Variants in CNBD1 observed in about 807,000 individuals in gnomAD.
CNBD1 encodes the protein cyclic nucleotide binding domain containing 1.
Under a neutral mutation model 54.4 loss-of-function variants are expected in CNBD1, and 71 were observed. The ratio of observed to expected loss-of-function variants is 1.30; its 90% CI spans 1.08 to 1.59. CNBD1 has a LOEUF of 1.59. Ranked by LOEUF, CNBD1 falls within the 40% of genes most tolerant of loss-of-function variation. The pLI, the probability that CNBD1 is intolerant of heterozygous loss-of-function variation, is 0.00. For missense variants in CNBD1, 659 were observed against 518.0 expected (o/e 1.27, Z -2.64); for synonymous variants, 182 against 170.7 (o/e 1.07, Z -0.51).
chr8:87,201,464 T>G (rs534858003), intron 4 of CNBD1, among the ~76,000 whole-genome samples: 3 of 152,276 alleles, frequency 2.0e-5, no homozygotes, highest in African/African-American at 7.2e-5. Context: ...TGATATGATT[T>G]TGCATATAGA....
At chr8:87,038,311 G>A (rs1253544695) in intron 4 of CNBD1, among the ~76,000 whole-genome samples, 1 of 152,140 alleles carries the variant, frequency 6.6e-6, no homozygotes, top group East Asian at 1.9e-4. Flanking sequence ...CCAAGTCACT[G>A]AGTTTAATTG....
chr8:87,179,522 A>G (rs1813267134), intron 4 of CNBD1, among the ~76,000 whole-genome samples: 1 of 152,226 alleles, frequency 6.6e-6, no homozygotes, highest in Admixed American at 6.5e-5. Flanking sequence ...CAGAGTATCA[A>G]CTGAAATTAA....
At position 87,422,885 on chromosome 8, in the gene CNBD1, A is replaced by G. The variant is rs556259304; in HGVS notation, c.214-5661A>G. ...TGGGCAGTATGGCCATTTTCACGAT[A>G]CTGATTCTTCCTACCCATGAGCATG... On this transcript the variant is annotated intron_variant, in intron 2 of 7. Coordinates refer to the CNBD1 transcript ENST00000521593. 2.7e-3 allele frequency among the ~76,000 whole-genome samples: 415 copies of G among 152,234 alleles called. 2 individuals carry two copies. The highest frequency in any genetic ancestry group is 6.8e-3 in the African/African-American group (284 of 41,496).
chr8:87,301,915 A>C (rs1489365099), intron 8 of CNBD1, among the ~76,000 whole-genome samples: 3 of 152,212 alleles, frequency 2.0e-5, no homozygotes, highest in Non-Finnish European at 4.4e-5. Context: ...CTCGACACAT[A>C]TACCCGCCCA....
chr8:87,030,844 C>T (rs1809766967), intron 4 of CNBD1, among the ~76,000 whole-genome samples: 1 of 108,570 alleles, frequency 9.2e-6, no homozygotes, highest in African/African-American at 3.9e-5. Context: ...CTCCCCCCTC[C>T]CCTCTCCTCC....
chr8:86,982,052 C>T (rs988821598), intron 4 of CNBD1, among the ~76,000 whole-genome samples: 4 of 152,176 alleles, frequency 2.6e-5, no homozygotes, highest in Non-Finnish European at 5.9e-5. Flanking sequence ...TCCAGTTGCT[C>T]CACATCCTGA....
intron 1 of CNBD1, among the ~76,000 whole-genome samples, chr8:86,874,406 A>G (rs1456822086): frequency 1.3e-5 from 2 of 152,144 alleles, no homozygotes; most frequent in Non-Finnish European, 2.9e-5. Flanking sequence ...TTCTCCTTCC[A>G]TCTTATCAGG....
chr8:86,875,018 A>ATATATATATATATATATATG, intron 1 of CNBD1, among the ~76,000 whole-genome samples: 1 of 139,132 alleles, frequency 7.2e-6, no homozygotes, highest in African/African-American at 2.7e-5. Flanking sequence ...ATATATATAT[A>ATATATATATATATATATATG]TATGTATTAA....
intron 3 of CNBD1, among the ~76,000 whole-genome samples, chr8:86,933,218 C>G (rs1768484262): frequency 6.6e-6 from 1 of 152,136 alleles, no homozygotes. Flanking sequence ...ACCTTTTACT[C>G]TTAAGCATCT....
intron 8 of CNBD1, among the ~76,000 whole-genome samples, chr8:87,327,737 A>T (rs937103073): frequency 1.3e-5 from 2 of 152,066 alleles, no homozygotes; most frequent in African/African-American, 2.4e-5. Flanking sequence ...GGTACCTCAG[A>T]TGGAAATGCA....
At chr8:87,332,875 T>C (rs1309988108) in intron 8 of CNBD1, among the ~76,000 whole-genome samples, 1 of 152,196 alleles carries the variant, frequency 6.6e-6, no homozygotes, top group South Asian at 2.1e-4. Context: ...TGGTTCCATA[T>C]GAATTTTAAA....
intron 6 of CNBD1, among the ~76,000 whole-genome samples, chr8:87,251,816 T>G (rs889413087): frequency 9.9e-5 from 15 of 152,162 alleles, no homozygotes; most frequent in African/African-American, 3.6e-4. Flanking sequence ...TGGCTGGGTC[T>G]CAGACACTCA....
chr8:87,214,939 G>A (rs1273554448), intron 5 of CNBD1, among the ~76,000 whole-genome samples: 2 of 152,046 alleles, frequency 1.3e-5, no homozygotes, highest in African/African-American at 2.4e-5. Flanking sequence ...ATTTGGGTGA[G>A]GACACAGTTA....
At chr8:87,259,836 T>A (rs1165064800) in intron 6 of CNBD1, among the ~76,000 whole-genome samples, 3 of 152,156 alleles carry the variant, frequency 2.0e-5, no homozygotes, top group Non-Finnish European at 4.4e-5. Flanking sequence ...AAGCTGAGTT[T>A]TAACCACAGG....
intron 4 of CNBD1, among the ~76,000 whole-genome samples, chr8:87,030,935 T>C (rs1359366389): frequency 2.3e-5 from 2 of 87,504 alleles, no homozygotes; most frequent in African/African-American, 1.0e-4. Context: ...CCTGCCCCCC[T>C]TCCCCCTCCT....
chr8:86,941,707 T>G (rs1423989929), intron 4 of CNBD1, among the ~76,000 whole-genome samples: 1 of 152,190 alleles, frequency 6.6e-6, no homozygotes, highest in Non-Finnish European at 1.5e-5. Flanking sequence ...TAGTACCTTC[T>G]TAACAGTGGA....
chr8:86,918,161 A>G (rs1475467534), intron 3 of CNBD1, among the ~76,000 whole-genome samples: 4 of 152,148 alleles, frequency 2.6e-5, no homozygotes, highest in Admixed American at 6.5e-5. Context: ...AAAACATGCA[A>G]TCCTAATTGC....
chr8:87,104,283 C>G (rs1811488960), intron 4 of CNBD1, among the ~76,000 whole-genome samples: 1 of 152,220 alleles, frequency 6.6e-6, no homozygotes, highest in African/African-American at 2.4e-5. Flanking sequence ...AAGTTGCTAT[C>G]TGAAGCAGGG....
At chr8:87,332,356 A>T (rs1469506660) in intron 8 of CNBD1, among the ~76,000 whole-genome samples, 3 of 151,950 alleles carry the variant, frequency 2.0e-5, no homozygotes, top group African/African-American at 7.2e-5. Flanking sequence ...TAAAGAAAAA[A>T]AAAAAAAAAA....
Sources: gnomAD v4.1 joint callset for allele counts (sites outside exome capture counted in the v4.1 genomes callset) on GRCh38, gnomAD v4.1.1 for gene constraint, MANE v1.5 for transcripts, NCBI Gene and HGNC (gene_info 2026-07-23, HGNC 2026-07-21) for gene names.